The following DLG2 variants were observed in gnomAD, a reference collection of about 807,000 sequenced individuals.
The protein encoded by DLG2 is disks large homolog 2.
Under a neutral mutation model 132.5 loss-of-function variants are expected in DLG2, and 45 were observed. The observed-to-expected ratio is 0.34, with a 90% CI of 0.27 to 0.44. The LOEUF (loss-of-function observed/expected upper bound fraction) is 0.44, where lower values mean the gene tolerates loss of function less well. Ranked by LOEUF, DLG2 falls within the 20% of genes least tolerant of loss-of-function variation. The pLI is 1.00. For missense variants in DLG2, 1,045 were observed against 1,196.9 expected (o/e 0.87, Z 1.87); for synonymous variants, 424 against 419.6 (o/e 1.01, Z -0.13).
At chr11:83,764,554 G>A (rs2094057519) in intron 18 of DLG2, among the ~76,000 whole-genome samples, 1 of 151,946 alleles carries the variant, frequency 6.6e-6, no homozygotes. Flanking sequence ...TCAACACTTG[G>A]GATTTATTAT....
At chr11:85,627,453 G>A (rs1284641678), upstream of DLG2, 7 of 152,228 alleles carry the variant, frequency 4.6e-5, no homozygotes, top group Non-Finnish European at 1.0e-4. Flanking sequence ...TCACACTGGA[G>A]TCATTCACAT....
At chr11:83,748,022 C>A (rs1437351732) in intron 18 of DLG2, among the ~76,000 whole-genome samples, 1 of 152,114 alleles carries the variant, frequency 6.6e-6, no homozygotes, top group Non-Finnish European at 1.5e-5. Flanking sequence ...GATCACACAA[C>A]AAGTAAGTGG....
chr11:84,160,501 A>AAG, intron 9 of DLG2, among the ~76,000 whole-genome samples: 1 of 152,204 alleles, frequency 6.6e-6, no homozygotes, highest in Admixed American at 6.5e-5. Flanking sequence ...AAAATTTAAA[A>AAG]AATGAGGTAA....
chr11:85,621,949 A>C (rs1408606206), intron 2 of DLG2, among the ~76,000 whole-genome samples: 77 of 152,218 alleles, frequency 5.1e-4, no homozygotes, highest in Non-Finnish European at 4.4e-5. Context: ...CTACAGAGAA[A>C]TCTCTCATAA....
intron 18 of DLG2, among the ~76,000 whole-genome samples, chr11:83,656,691 AC>A (rs2072555106): frequency 6.6e-6 from 1 of 152,220 alleles, no homozygotes; most frequent in Non-Finnish European, 1.5e-5. Flanking sequence ...TCCTAAAGGG[AC>A]ACATTGATCC....
chr11:83,791,153 C>T, intron 17 of DLG2: 2 of 642,232 alleles, frequency 3.1e-6, no homozygotes, highest in South Asian at 3.8e-5. Context: ...GTTTGTGGGT[C>T]GAAGAGGCCA....
At chr11:84,739,113 C>T (rs2064250756) in intron 6 of DLG2, among the ~76,000 whole-genome samples, 1 of 152,024 alleles carries the variant, frequency 6.6e-6, no homozygotes, top group Non-Finnish European at 1.5e-5. Context: ...TCTAATGTGG[C>T]AGTGGTTTCT....
intron 3 of DLG2, among the ~76,000 whole-genome samples, chr11:85,330,917 A>G (rs2081685755): frequency 6.6e-6 from 1 of 152,188 alleles, no homozygotes; most frequent in Non-Finnish European, 1.5e-5. Flanking sequence ...ACAATGTGGA[A>G]AGTGATTATT....
intron 7 of DLG2, among the ~76,000 whole-genome samples, chr11:84,492,639 A>C (rs991162870): frequency 6.6e-6 from 1 of 152,178 alleles, no homozygotes; most frequent in African/African-American, 2.4e-5. Context: ...TAATGAATGT[A>C]AAATGCGTAG....
intron 7 of DLG2, among the ~76,000 whole-genome samples, chr11:84,379,908 C>T (rs1601035629): frequency 6.6e-6 from 1 of 152,014 alleles, no homozygotes; most frequent in East Asian, 1.9e-4. Flanking sequence ...TATAGTAAAG[C>T]TGCAGAACAC....
Position 83,971,861 on chromosome 11 carries a change from T to A in DLG2, c.1057-6393A>T, listed in dbSNP as rs145800609. On this transcript the variant is annotated intron_variant, in intron 12 of 27. Transcript: ENST00000376104. ...AAATTAACTATTATAATAAAATGTA[T>A]TCAAAATAATAACTATTAATAAATA... 2.6e-3 allele frequency among the ~76,000 whole-genome samples: 399 copies of A among 152,264 alleles called. 4 individuals are homozygous for A. In the East Asian group the frequency reaches 0.039, roughly 15 times the overall value.
intron 14 of DLG2, among the ~76,000 whole-genome samples, chr11:83,951,258 C>T (rs932632521): frequency 6.6e-6 from 1 of 152,034 alleles, no homozygotes; most frequent in African/African-American, 2.4e-5. Flanking sequence ...ATTCAGTACA[C>T]AAATGTTTAC....
intron 6 of DLG2, among the ~76,000 whole-genome samples, chr11:84,659,746 C>T (rs2099692455): frequency 6.6e-6 from 1 of 152,142 alleles, no homozygotes; most frequent in Non-Finnish European, 1.5e-5. Context: ...GACCACCCTC[C>T]TTTCTGATAT....
At chr11:84,430,797 C>T (rs935058101) in intron 7 of DLG2, among the ~76,000 whole-genome samples, 2 of 152,198 alleles carry the variant, frequency 1.3e-5, no homozygotes, top group Non-Finnish European at 2.9e-5. Flanking sequence ...ATTCACCTTC[C>T]AGGTGACAGA....
At chr11:84,586,689 T>C (rs981444149) in intron 6 of DLG2, among the ~76,000 whole-genome samples, 1 of 152,164 alleles carries the variant, frequency 6.6e-6, no homozygotes, top group African/African-American at 2.4e-5. Flanking sequence ...ATATTTGTTA[T>C]TGACTTTTTT....
At position 83,501,088 on chromosome 11, in the gene DLG2, A is replaced by G. The variant is rs550276566; in HGVS notation, c.2194-16860T>C. Among the ~76,000 whole-genome samples, 19 of 152,254 alleles carry G rather than the reference A, an allele frequency of 1.2e-4. No individual in the cohort carries two copies. The South Asian group carries it at 3.7e-3, about 30-fold the overall frequency. On this transcript the variant is annotated intron_variant, in intron 21 of 27. Coordinates refer to ENST00000376104, the MANE Select transcript of DLG2 (RefSeq NM_001142699.3). ...TTACAGTTATTCTCACCAATTGGACATGTTGAAATTATTTTTAAATTCCCA... is the reference window on the plus strand; with the variant it reads ...TTACAGTTATTCTCACCAATTGGACGTGTTGAAATTATTTTTAAATTCCCA...
At position 83,985,267 on chromosome 11, in the gene DLG2, C is replaced by A. The variant is rs1466305198; in HGVS notation, c.920-4625G>T. 2.0e-5 allele frequency among the ~76,000 whole-genome samples: 3 copies of A among 151,954 alleles called. No individual in the cohort carries two copies. In the East Asian group the frequency reaches 5.8e-4, roughly 29 times the overall value. On this transcript the variant is annotated intron_variant, in intron 11 of 27. Coordinates refer to ENST00000376104, the MANE Select transcript of DLG2 (RefSeq NM_001142699.3). ...CCTGTTATTAATCTCACATGTCTTC[C>A]CTTCATTAGCTAATTTTTCCCTCCT...
chr11:84,920,908 C>A (rs1018257953), intron 6 of DLG2, among the ~76,000 whole-genome samples: 1 of 151,750 alleles, frequency 6.6e-6, no homozygotes, highest in Non-Finnish European at 1.5e-5. Flanking sequence ...AAAAAAAAGA[C>A]GAAAAATGTT....
At chr11:85,364,103 G>A (rs1654179782) in intron 3 of DLG2, among the ~76,000 whole-genome samples, 1 of 152,090 alleles carries the variant, frequency 6.6e-6, no homozygotes, top group Non-Finnish European at 1.5e-5. Context: ...CATTTCTGCA[G>A]TAATAAGCAC....
Sources: allele counts gnomAD v4.1 joint callset (sites outside exome capture counted in the v4.1 genomes callset), GRCh38; gene constraint gnomAD v4.1.1; transcripts MANE v1.5; gene names NCBI Gene and HGNC (gene_info 2026-07-23, HGNC 2026-07-21).